RPN2: variants seen among roughly 807,000 people sequenced by gnomAD.
RPN2 encodes the protein ribophorin II, also known as dolichyl-diphosphooligosaccharide--protein glycosyltransferase subunit 2.
RPN2 carries 29 observed loss-of-function variants against 71.4 expected under a neutral mutation model. That is an observed-to-expected ratio of 0.41 (90% CI 0.30 to 0.55). The LOEUF (loss-of-function observed/expected upper bound fraction) is 0.55, where lower values mean the gene tolerates loss of function less well. Ranked by LOEUF, RPN2 falls within the 20% of genes least tolerant of loss-of-function variation. The pLI is 0.35. For missense variants in RPN2, 726 were observed against 774.1 expected (o/e 0.94, Z 0.74); for synonymous variants, 308 against 305.0 (o/e 1.01, Z -0.10).
At chr20:37,188,694 T>C (rs1035677996) in intron 2 of RPN2, among the ~76,000 whole-genome samples, 27 of 151,536 alleles carry the variant, frequency 1.8e-4, no homozygotes, top group African/African-American at 5.1e-4. Flanking sequence ...CATGGTTCAC[T>C]GCAGCCTCAA....
intron 10 of RPN2, among the ~76,000 whole-genome samples, chr20:37,225,371 C>T (rs972140338): frequency 2.0e-5 from 3 of 152,222 alleles, no homozygotes; most frequent in Non-Finnish European, 2.9e-5. Flanking sequence ...AGAGGCCACA[C>T]GTGAGCTCCT....
intron 2 of RPN2, among the ~76,000 whole-genome samples, chr20:37,188,451 C>A (rs569445887): frequency 5.3e-5 from 8 of 152,146 alleles, no homozygotes; most frequent in African/African-American, 1.9e-4. Context: ...CCGCGCCCGG[C>A]CCATTGTCGT....
chr20:37,198,323 T>C (rs2067299039), intron 2 of RPN2, 74 bp from the exon 3 acceptor site: 7 of 1,612,734 alleles, frequency 4.3e-6, no homozygotes, highest in Non-Finnish European at 5.9e-6. Flanking sequence ...GAGAATGTTA[T>C]CTAAAAACGC....
chr20:37,203,209 G>T (rs183785055), intron 4 of RPN2, among the ~76,000 whole-genome samples: 2 of 152,258 alleles, frequency 1.3e-5, no homozygotes, highest in Admixed American at 1.3e-4. Context: ...ACAGGTGTGA[G>T]CCACCGTGCT....
At chr20:37,214,158 A>G (rs1330298469) in intron 9 of RPN2, among the ~76,000 whole-genome samples, 1 of 152,222 alleles carries the variant, frequency 6.6e-6, no homozygotes, top group Non-Finnish European at 1.5e-5. Context: ...AATAAAAATC[A>G]CCCATAATTC....
At chr20:37,231,369 C>G (rs1380113723) in intron 13 of RPN2, among the ~76,000 whole-genome samples, 1 of 150,576 alleles carries the variant, frequency 6.6e-6, no homozygotes, top group Non-Finnish European at 1.5e-5. Flanking sequence ...CAGGAAAAAA[C>G]AAAAAACAAA....
chr20:37,230,051 G>A lies in RPN2; in HGVS notation c.1573G>A (p.Glu525Lys). The change falls in exon 13 of 17, where the codon GAA (glutamate) becomes AAA (lysine). Residue 525 changes from glutamate to lysine, a missense_variant. By Grantham distance (56) the Glu-to-Lys change is moderately conservative. Coordinates refer to ENST00000237530, the MANE Select transcript of RPN2 (RefSeq NM_002951.5). The stretch of plus-strand genomic sequence containing the variant: ...CCAGAACCTTTTCACTCCAAAACAG[G>A]AAATTCAGGTATATCCCAAAGGGCC... The part of the protein sequence containing the change: ...LSQNLFTPKQ[E>K]IQHLFREPEK... 2 of 1,613,726 alleles carry A rather than the reference G, an allele frequency of 1.2e-6. No homozygotes were observed. The highest frequency in any genetic ancestry group is 1.7e-6 in the Non-Finnish European group (2 of 1,179,612).
intron 2 of RPN2, among the ~76,000 whole-genome samples, chr20:37,193,640 A>G (rs187816671): frequency 2.6e-5 from 4 of 152,318 alleles, no homozygotes; most frequent in African/African-American, 9.6e-5. Flanking sequence ...GATTGAATGC[A>G]GGAGGGGTAC....
At chr20:37,180,041 A>G (rs2066817830) in intron 1 of RPN2, among the ~76,000 whole-genome samples, 1 of 152,232 alleles carries the variant, frequency 6.6e-6, no homozygotes, top group African/African-American at 2.4e-5. Flanking sequence ...GCCCTAGGTA[A>G]GAACTAAGTT....
intron 9 of RPN2, among the ~76,000 whole-genome samples, chr20:37,217,087 T>A (rs2067827957): frequency 6.6e-6 from 1 of 151,708 alleles, no homozygotes; most frequent in Admixed American, 6.6e-5. Flanking sequence ...TGCACCACCA[T>A]GCCCAGCTAA....
intron 11 of RPN2, 95 bp from the exon 12 acceptor site, chr20:37,228,455 C>T (rs867889843): frequency 2.1e-5 from 25 of 1,212,600 alleles, no homozygotes; most frequent in East Asian, 7.1e-5. Context: ...TGTGACAAAG[C>T]GCTAATAACC....
chr20:37,217,374 C>T (rs1032288956), intron 9 of RPN2, among the ~76,000 whole-genome samples: 12 of 151,752 alleles, frequency 7.9e-5, no homozygotes, highest in Non-Finnish European at 1.5e-4. Context: ...CTCACTGGAA[C>T]CTCCGCCTCC....
chr20:37,211,817 A>G (rs962420821), intron 8 of RPN2, among the ~76,000 whole-genome samples: 1 of 151,564 alleles, frequency 6.6e-6, no homozygotes, highest in East Asian at 1.9e-4. Context: ...TGCTCATTGC[A>G]ATCTCCACCT....
At chr20:37,198,332 G>A (rs1463930492) in intron 2 of RPN2, 65 bp from the exon 3 acceptor site, 19 of 1,613,292 alleles carry the variant, frequency 1.2e-5, no homozygotes, top group Non-Finnish European at 1.5e-5. Flanking sequence ...ATCTAAAAAC[G>A]CCTTTGCTTT....
rs915226622 is a variant in RPN2, at chr20:37,212,190, G to C, written c.987-1570G>C. 2.0e-5 allele frequency among the ~76,000 whole-genome samples: 3 copies of C among 152,188 alleles called. No individual in the cohort carries two copies. The East Asian group carries it at 5.8e-4, about 29-fold the overall frequency. On this transcript the variant is annotated intron_variant, in intron 8 of 16. Coordinates refer to ENST00000237530, the MANE Select transcript of RPN2 (RefSeq NM_002951.5). Reference sequence around the variant, plus strand: ...GCTACTTGGGAGGCTGAGGTGGGAGGATCGCTTGAGGCTGGGAGGTCTAGG... The same window carrying C: ...GCTACTTGGGAGGCTGAGGTGGGAGCATCGCTTGAGGCTGGGAGGTCTAGG...
chr20:37,205,875 A>G (rs575653439), intron 6 of RPN2, among the ~76,000 whole-genome samples: 6 of 152,302 alleles, frequency 3.9e-5, no homozygotes, highest in Non-Finnish European at 7.4e-5. Flanking sequence ...ATGATATTGT[A>G]CTTATACAAC....
At chr20:37,225,883 C>T in intron 11 of RPN2, 81 bp downstream of exon 11, 2 of 976,016 alleles carry the variant, frequency 2.0e-6, no homozygotes, top group Non-Finnish European at 3.3e-6. Flanking sequence ...ATAACATGGA[C>T]TAGAGAGAAT....
intron 8 of RPN2, among the ~76,000 whole-genome samples, chr20:37,212,000 A>G (rs1275996135): frequency 6.6e-6 from 1 of 151,958 alleles, no homozygotes; most frequent in East Asian, 1.9e-4. Context: ...TAGGCGTGTG[A>G]CCTCAGGTGA....
intron 16 of RPN2, among the ~76,000 whole-genome samples, chr20:37,238,105 G>A (rs2068451187): frequency 6.6e-6 from 1 of 152,212 alleles, no homozygotes; most frequent in African/African-American, 2.4e-5. Flanking sequence ...CTGCTTAGCA[G>A]GAGTTCCTAA....
Sources: allele counts gnomAD v4.1 joint callset (sites outside exome capture counted in the v4.1 genomes callset), GRCh38; gene constraint gnomAD v4.1.1; transcripts MANE v1.5; gene names NCBI Gene and HGNC (gene_info 2026-07-23, HGNC 2026-07-21).